The following BRSK2 variants were observed in gnomAD, a reference collection of about 807,000 sequenced individuals.
BRSK2 encodes the protein serine/threonine-protein kinase BRSK2.
Under a neutral mutation model 83.3 loss-of-function variants are expected in BRSK2, and 19 were observed. The ratio of observed to expected loss-of-function variants is 0.23; its 90% CI spans 0.16 to 0.33. BRSK2 has a LOEUF of 0.33. Among genes scored for constraint, BRSK2 ranks in the 10% least tolerant of loss-of-function variants. BRSK2 has a pLI of 1.00. For missense variants in BRSK2, 798 were observed against 1,042.3 expected (o/e 0.77, Z 3.23); for synonymous variants, 519 against 435.4 (o/e 1.19, Z -2.39).
chr11:1,417,895 G>C (rs1848257915), intron 1 of BRSK2, among the ~76,000 whole-genome samples: 1 of 146,972 alleles, frequency 6.8e-6, no homozygotes, highest in Admixed American at 6.8e-5. Flanking sequence ...TTCTTCTCTT[G>C]AGAGTGGGTC....
In BRSK2 at chr11:1,460,832, G is replaced by A; in HGVS notation, c.*109G>A. 6.5e-7 allele frequency: 1 copy of A among 1,535,162 alleles called. No homozygotes were observed. Among genetic ancestry groups the A allele is most frequent in the Non-Finnish European group, 8.7e-7 (1 of 1,144,604 alleles). ...GCCGCGCCGCCCGTCCGTCCAGACTGTTCTCAGAGCCTGGGAGGAAAGGAA... is the reference window on the plus strand; with the variant it reads ...GCCGCGCCGCCCGTCCGTCCAGACTATTCTCAGAGCCTGGGAGGAAAGGAA... On this transcript the variant is annotated 3_prime_UTR_variant, in exon 20 of 20. Transcript: ENST00000528841.
At chr11:1,392,022 G>A (rs538789292) in intron 1 of BRSK2, among the ~76,000 whole-genome samples, 75 of 152,306 alleles carry the variant, frequency 4.9e-4, no homozygotes, top group African/African-American at 1.3e-3. Flanking sequence ...AAAACAGCTC[G>A]AGGGGGGGCA....
intron 14 of BRSK2, among the ~76,000 whole-genome samples, chr11:1,451,114 G>C (rs1845767237): frequency 6.6e-6 from 1 of 152,246 alleles, no homozygotes; most frequent in Non-Finnish European, 1.5e-5. Context: ...GGCACCAAGG[G>C]CCAGCCAGTG....
In BRSK2 at chr11:1,440,162, C is replaced by T. The variant is rs113148338; in HGVS notation, c.273-626C>T. On this transcript the variant is annotated intron_variant, in intron 3 of 19. Coordinates refer to ENST00000528841, the MANE Select transcript of BRSK2 (RefSeq NM_001256627.2). Reference sequence around the variant, plus strand: ...CCAAGCAGCTGCATGCAGCGTCCCACGGGCCTCTCACCAGGAACCAGCCCC... The same window carrying T: ...CCAAGCAGCTGCATGCAGCGTCCCATGGGCCTCTCACCAGGAACCAGCCCC... 1.5e-3 allele frequency among the ~76,000 whole-genome samples: 228 copies of T among 152,304 alleles called. 1 individual carries two copies. The highest frequency in any genetic ancestry group is 4.7e-3 in the African/African-American group (195 of 41,568).
Position 1,459,265 on chromosome 11 carries a change from C to T in BRSK2, c.1987+26C>T, listed in dbSNP as rs199580503. 274 of 1,611,628 alleles carry T rather than the reference C, an allele frequency of 1.7e-4. 2 individuals are homozygous for T. The East Asian group carries it at 4.7e-3, about 28-fold the overall frequency. Reference sequence around the variant, plus strand: ...GTAAGAATCCCCCACGCTCACCTGGCACCTCCACCTGCCACTTCACCGCTC... The same window carrying T: ...GTAAGAATCCCCCACGCTCACCTGGTACCTCCACCTGCCACTTCACCGCTC... On this transcript the variant is annotated intron_variant, in intron 19 of 19. Coordinates refer to ENST00000528841, the MANE Select transcript of BRSK2 (RefSeq NM_001256627.2).
At chr11:1,457,103 C>G in intron 18 of BRSK2, 2 of 1,454,054 alleles carry the variant, frequency 1.4e-6, no homozygotes, top group South Asian at 2.6e-5. Flanking sequence ...AGGTCCTCGG[C>G]GGAGCCAGGC....
At chr11:1,406,112 C>G (rs1344628621) in intron 1 of BRSK2, among the ~76,000 whole-genome samples, 2 of 152,184 alleles carry the variant, frequency 1.3e-5, no homozygotes, top group Non-Finnish European at 2.9e-5. Flanking sequence ...GCTCCTCCTG[C>G]CCAGCCTTCC....
rs1312075246 is a variant in BRSK2, at chr11:1,450,780, G to A, written c.1481G>A (p.Arg494His). The A allele has an allele frequency of 6.3e-6, 10 of 1,593,664 alleles. No homozygotes were observed. The highest frequency in any genetic ancestry group is 6.8e-6 in the Non-Finnish European group (8 of 1,172,844). ...TTTCTGGGCTCACCCCGCTTCCACC[G>A]CCGGAAACTGCAAGGTGAGTGTCTG... Reference protein sequence around the residue: ...NSFLGSPRFHRRKLQVPTPEE... With the variant: ...NSFLGSPRFHHRKLQVPTPEE... Residue 494 changes from arginine to histidine, a missense_variant, in exon 14 of 20, where the codon CGC becomes CAC. Physicochemically the swap from Arg to His is conservative, Grantham distance 29. This residue lies in a region of BRSK2 where 455 missense variants were observed against 455.2 expected (regional missense o/e 1.00). Coordinates refer to ENST00000528841, the MANE Select transcript of BRSK2 (RefSeq NM_001256627.2).
At chr11:1,428,837 G>A (rs1564830557) in intron 1 of BRSK2, among the ~76,000 whole-genome samples, 1 of 151,974 alleles carries the variant, frequency 6.6e-6, no homozygotes. Context: ...ACATGCATGG[G>A]TGTGTGTACA....
At chr11:1,452,972 A>G (rs1845987428) in intron 15 of BRSK2, among the ~76,000 whole-genome samples, 1 of 152,212 alleles carries the variant, frequency 6.6e-6, no homozygotes, top group Non-Finnish European at 1.5e-5. Context: ...GAAGGGATGC[A>G]TGCGGTTGTC....
intron 8 of BRSK2, among the ~76,000 whole-genome samples, chr11:1,444,375 CGTT>C (rs1481240746): frequency 1.3e-5 from 2 of 152,166 alleles, no homozygotes; most frequent in African/African-American, 2.4e-5. Context: ...TCCAGGGTAG[CGTT>C]GACCTGTTCC....
chr11:1,444,663 C>CGA (rs752586488), intron 8 of BRSK2, among the ~76,000 whole-genome samples: 5 of 152,110 alleles, frequency 3.3e-5, no homozygotes, highest in Non-Finnish European at 7.4e-5. Context: ...TCCCCCTCTC[C>CGA]CTCCGCTCCC....
intron 1 of BRSK2, among the ~76,000 whole-genome samples, chr11:1,402,688 C>T (rs1463134952): frequency 6.6e-6 from 1 of 152,222 alleles, no homozygotes; most frequent in Non-Finnish European, 1.5e-5. Flanking sequence ...AGGGCCAGGA[C>T]TCAGGAGGCC....
At chr11:1,452,608 C>G (rs560178394) in intron 15 of BRSK2, among the ~76,000 whole-genome samples, 1 of 151,726 alleles carries the variant, frequency 6.6e-6, no homozygotes, top group African/African-American at 2.4e-5. Context: ...CTCCCACAGC[C>G]CCACCCAAGG....
At chr11:1,410,405 G>A (rs1268395260) in intron 1 of BRSK2, 4 of 981,928 alleles carry the variant, frequency 4.1e-6, no homozygotes, top group Admixed American at 1.2e-4. Context: ...GGTTTGTGAC[G>A]TCGGCCTCGC....
intron 1 of BRSK2, among the ~76,000 whole-genome samples, chr11:1,429,213 G>A (rs970292130): frequency 6.7e-5 from 10 of 150,140 alleles, no homozygotes; most frequent in Non-Finnish European, 1.2e-4. Context: ...GTGTGCACGC[G>A]GTGTGTGGGC....
intron 1 of BRSK2, among the ~76,000 whole-genome samples, chr11:1,421,430 G>A (rs527441308): frequency 1.3e-5 from 2 of 152,224 alleles, no homozygotes; most frequent in East Asian, 3.9e-4. Context: ...AGTGGGAGCT[G>A]CATCCCACCT....
At chr11:1,439,493 G>A (rs1367190159) in intron 3 of BRSK2, among the ~76,000 whole-genome samples, 3 of 151,722 alleles carry the variant, frequency 2.0e-5, no homozygotes, top group African/African-American at 4.8e-5. Flanking sequence ...GTGACACGGT[G>A]CCGGTGCAGT....
intron 3 of BRSK2, among the ~76,000 whole-genome samples, chr11:1,439,844 C>T (rs1205022477): frequency 6.6e-6 from 1 of 150,580 alleles, no homozygotes; most frequent in African/African-American, 2.4e-5. Flanking sequence ...GGCTTCACAC[C>T]TTCCCCTGCC....
Sources: allele counts gnomAD v4.1 joint callset (sites outside exome capture counted in the v4.1 genomes callset), GRCh38; gene constraint gnomAD v4.1.1; regional missense constraint gnomAD v4.1.1; transcripts MANE v1.5; gene names NCBI Gene and HGNC (gene_info 2026-07-23, HGNC 2026-07-21).